The following TSTD2 variants were observed in gnomAD, a reference collection of about 807,000 sequenced individuals.
The protein encoded by TSTD2 is thiosulfate sulfurtransferase like domain containing 2.
A neutral mutation model predicts 47.9 loss-of-function variants in TSTD2; 37 were observed. The observed-to-expected ratio is 0.77, with a 90% CI of 0.59 to 1.02. The LOEUF (loss-of-function observed/expected upper bound fraction) is 1.02, where lower values mean the gene tolerates loss of function less well. Among genes scored for constraint, TSTD2 ranks in the 50% least tolerant of loss-of-function variants. The probability of loss-of-function intolerance (pLI) is 0.00; values close to 1 mark genes in which losing one functional copy is unlikely to be tolerated. For synonymous variants in TSTD2, 201 were observed against 215.9 expected, an observed-to-expected ratio of 0.93 and a Z score of 0.61; for missense variants, 586 against 616.0, an observed-to-expected ratio of 0.95 and a Z score of 0.52.
At position 97,600,089 on chromosome 9, in the gene TSTD2, A is replaced by C; in HGVS notation, c.*2380T>G. 1 of 1,024,126 alleles carries C rather than the reference A, an allele frequency of 9.8e-7. No homozygotes were observed. Among genetic ancestry groups the C allele is most frequent in the East Asian group, 8.0e-5 (1 of 12,510 alleles). 63.4% of individuals were successfully genotyped at this position (1,024,126 alleles called of 1,614,324 possible). A position where few individuals can be genotyped will look rare whatever the true frequency, so the allele number is the denominator to read the frequency against. On this transcript the variant is annotated 3_prime_UTR_variant, in exon 10 of 10. Transcript: ENST00000341170. Reference sequence around the variant, plus strand: ...GGCACACTCTTCCACATGCTTTTGAAGTATTATAAAACACTTTATTACAAA... The same window carrying C: ...GGCACACTCTTCCACATGCTTTTGACGTATTATAAAACACTTTATTACAAA...
At chr9:97,610,294 ATTAAGTTTTG>A in intron 6 of TSTD2, 42 bp downstream of exon 6, 1 of 1,500,196 alleles carries the variant, frequency 6.7e-7, no homozygotes, top group Non-Finnish European at 9.1e-7. Flanking sequence ...TTATTTGTCT[ATTAAGTTTTG>A]TCCCTGTGAA....
chr9:97,612,988 C>A (rs529859589), intron 4 of TSTD2, among the ~76,000 whole-genome samples: 1 of 152,360 alleles, frequency 6.6e-6, no homozygotes, highest in African/African-American at 2.4e-5. Flanking sequence ...AATAGTCCAA[C>A]AGCCAAAGAA....
At position 97,602,479 on chromosome 9, in the gene TSTD2, A is replaced by G; in HGVS notation, c.1541T>C (p.Val514Ala). ...TGCCAAAGGTGCTGCTCACATAAGC[A>G]CTGGCCCATCCTCATCAGCATCAGG... ...PGPDADEDGP[V>A]LM The change falls in exon 10 of 10, where the codon GTG becomes GCG. Residue 514 changes from valine to alanine, a missense_variant. By Grantham distance (64) the Val-to-Ala change is moderately conservative (BLOSUM62 0). Transcript: ENST00000341170. 6.2e-7 allele frequency: 1 copy of G among 1,608,124 alleles called. No individual in the cohort carries two copies. Among genetic ancestry groups the G allele is most frequent in the Non-Finnish European group, 8.5e-7 (1 of 1,176,568 alleles).
chr9:97,629,426 C>T (rs1185996451), intron 1 of TSTD2, among the ~76,000 whole-genome samples: 2 of 152,176 alleles, frequency 1.3e-5, no homozygotes, highest in Admixed American at 6.5e-5. Flanking sequence ...TTTGAATCAG[C>T]TAAGTGGTGC....
At chr9:97,605,344 G>A (rs929796059) in intron 8 of TSTD2, 139 bp downstream of exon 8, 9 of 966,032 alleles carry the variant, frequency 9.3e-6, no homozygotes, top group African/African-American at 3.3e-5. Context: ...CTCCATGCTG[G>A]AGCCATACGA....
rs1056141765 is a variant in TSTD2 at position 97,611,454 on chromosome 9, A to G, written c.729+120T>C. On this transcript the variant is annotated intron_variant, in intron 5 of 9. Transcript: ENST00000341170. ...AAAAACTCCCCAAGCCCCAAAAAAT[A>G]AAGGGGAAAGGGTATTTATTTGGCA... The G allele has an allele frequency of 6.7e-6, 8 of 1,193,328 alleles. No individual in the cohort carries two copies. The East Asian group carries it at 2.0e-4, about 31-fold the overall frequency. The allele number at this position is 1,193,328 out of a possible 1,614,324, so 73.9% of individuals were successfully genotyped here. A position where few individuals can be genotyped will look rare whatever the true frequency, so the allele number is the denominator to read the frequency against.
chr9:97,605,910 A>G (rs913545617), intron 7 of TSTD2, among the ~76,000 whole-genome samples: 61 of 152,232 alleles, frequency 4.0e-4, no homozygotes, highest in African/African-American at 1.3e-3. Context: ...AGGCAGGCTC[A>G]TGGGAGTCAC....
intron 6 of TSTD2, among the ~76,000 whole-genome samples, chr9:97,607,027 A>G (rs964364774): frequency 1.1e-4 from 17 of 152,188 alleles, no homozygotes; most frequent in African/African-American, 3.6e-4. Context: ...TTAGCTGGCC[A>G]TGGTAGTGTG....
At position 97,622,911 on chromosome 9, in the gene TSTD2, T is replaced by C. The variant is rs554936144; in HGVS notation, c.482+2770A>G. Among the ~76,000 whole-genome samples the C allele has an allele frequency of 2.6e-5, 4 of 152,358 alleles. No individual in the cohort carries two copies. The East Asian group carries it at 7.7e-4, about 29-fold the overall frequency. ...AACTAACTTGCTTTTAACAGGCTCA[T>C]AGGCAGAAGGGATTTGCTTTGTCTC... On this transcript the variant is annotated intron_variant, in intron 3 of 9. Coordinates refer to ENST00000341170, the MANE Select transcript of TSTD2 (RefSeq NM_139246.5).
chr9:97,607,045 A>G (rs950486644), intron 6 of TSTD2, among the ~76,000 whole-genome samples: 6 of 152,322 alleles, frequency 3.9e-5, no homozygotes, highest in Admixed American at 1.3e-4. Context: ...GTGTGCCTGT[A>G]GTCTCAGCTA....
chr9:97,618,515 T>C (rs1826580466), intron 3 of TSTD2, among the ~76,000 whole-genome samples: 1 of 152,214 alleles, frequency 6.6e-6, no homozygotes, highest in South Asian at 2.1e-4. Context: ...AACTATATTT[T>C]CCAAAGTATG....
At chr9:97,626,139 G>A (rs1826716715) in intron 2 of TSTD2, 142 bp from the exon 3 acceptor site, 2 of 808,172 alleles carry the variant, frequency 2.5e-6, no homozygotes, top group South Asian at 2.0e-5. Flanking sequence ...TCTCTGAGAA[G>A]TAACACTTCT....
At chr9:97,629,626 C>T (rs1332156136) in intron 1 of TSTD2, among the ~76,000 whole-genome samples, 1 of 152,134 alleles carries the variant, frequency 6.6e-6, no homozygotes, top group Admixed American at 6.5e-5. Context: ...AAAAGTACAT[C>T]CCTAACTCTA....
chr9:97,602,879 G>C (rs1194694495), intron 9 of TSTD2, 112 bp from the exon 10 acceptor site: 5 of 1,123,522 alleles, frequency 4.5e-6, no homozygotes, highest in African/African-American at 1.6e-5. Flanking sequence ...ACCCGGGGAA[G>C]GTTTCCAAAT....
Position 97,632,905 on chromosome 9 carries a change from C to T in TSTD2, c.-51+338G>A, listed in dbSNP as rs148364336. Among the ~76,000 whole-genome samples, 99 of 152,242 alleles carry T rather than the reference C, an allele frequency of 6.5e-4. 3 individuals carry two copies. The East Asian group carries it at 0.019, about 29-fold the overall frequency. On this transcript the variant is annotated intron_variant, in intron 1 of 9. Transcript: ENST00000341170. ...GCCGGGAGAGTGAAATTTCAGATGG[C>T]CATGGACAAAGCAGATAAGCCAGTA... is the stretch of plus-strand genomic sequence containing the variant.
intron 1 of TSTD2, among the ~76,000 whole-genome samples, chr9:97,631,487 T>C (rs1373693936): frequency 1.3e-5 from 2 of 152,122 alleles, no homozygotes; most frequent in African/African-American, 4.8e-5. Context: ...CCACCCTAGT[T>C]CAAGCTACTA....
intron 4 of TSTD2, among the ~76,000 whole-genome samples, chr9:97,615,795 TGA>T (rs1266642062): frequency 6.6e-6 from 1 of 152,186 alleles, no homozygotes; most frequent in Non-Finnish European, 1.5e-5. Context: ...AGGTTTACTG[TGA>T]GAGTATCCAT....
chr9:97,627,406 T>G lies in TSTD2; in HGVS notation c.157A>C (p.Lys53Gln), dbSNP rs1826740077. 2 of 1,598,138 alleles carry G rather than the reference T, an allele frequency of 1.3e-6. No individual in the cohort carries two copies. Among genetic ancestry groups the G allele is most frequent in the Non-Finnish European group, 1.7e-6 (2 of 1,170,216 alleles). The change falls in exon 2 of 10, where the codon AAG becomes CAG. Residue 53 changes from lysine to glutamine, a missense_variant. Physicochemically the swap from Lys to Gln is moderately conservative, Grantham distance 53. Coordinates refer to ENST00000341170, the MANE Select transcript of TSTD2 (RefSeq NM_139246.5). ...ATTCATAAGAATTCTACCTTTTTCT[T>G]TGCAAACGAGTATTTCTTTTTTGTA... The part of the protein sequence containing the change: ...GSTKKKYSFA[K>Q]KKAFALFVKT...
At chr9:97,632,692 G>C (rs1305482847) in intron 1 of TSTD2, among the ~76,000 whole-genome samples, 1 of 152,190 alleles carries the variant, frequency 6.6e-6, no homozygotes, top group Non-Finnish European at 1.5e-5. Flanking sequence ...GGCCGTCATA[G>C]GAGACTTTTA....
Sources: allele counts gnomAD v4.1 joint callset (sites outside exome capture counted in the v4.1 genomes callset), GRCh38; gene constraint gnomAD v4.1.1; transcripts MANE v1.5; gene names NCBI Gene and HGNC (gene_info 2026-07-23, HGNC 2026-07-21).